OR56A3: variants seen among roughly 807,000 people sequenced by gnomAD.
The protein encoded by OR56A3 is olfactory receptor family 56 subfamily A member 3, also known as olfactory receptor 56A3.
A neutral mutation model predicts 17.5 loss-of-function variants in OR56A3; 23 were observed. That is an observed-to-expected ratio of 1.32 (90% CI 0.95 to 1.87). The LOEUF is 1.87. Among genes scored for constraint, OR56A3 ranks in the 40% most tolerant of loss-of-function variants. The probability of loss-of-function intolerance (pLI) is 0.00; values close to 1 mark genes in which losing one functional copy is unlikely to be tolerated. For synonymous variants in OR56A3, 175 were observed against 150.6 expected (o/e 1.16, Z -1.19); for missense variants, 366 against 380.1 (o/e 0.96, Z 0.31).
At chr11:5,951,465 A>G (rs1008383975), downstream of OR56A3, 4 of 152,084 alleles carry the variant, frequency 2.6e-5, no homozygotes, top group African/African-American at 4.8e-5. Flanking sequence ...TATTATAAAT[A>G]TATATAAATA....
chr11:5,973,151 C>T, the OR56A3 span, among the ~76,000 whole-genome samples: 3 of 152,116 alleles, frequency 2.0e-5, no homozygotes, highest in African/African-American at 4.8e-5. Context: ...TATGTAATCT[C>T]GGTCATTAAT....
chr11:5,951,434 AAT>A (rs1203917070), downstream of OR56A3: 2 of 152,074 alleles, frequency 1.3e-5, no homozygotes, highest in Non-Finnish European at 2.9e-5. Context: ...TGAAAAGTTT[AAT>A]AGTGAGATTG....
Position 5,950,834 on chromosome 11 carries a change from G to A in OR56A3, c.*2540G>A, listed in dbSNP as rs1847903318. On this transcript the variant is annotated 3_prime_UTR_variant, in exon 3 of 3. Transcript: ENST00000641160. ...TTCCAAGCATTCAATAGCCACGTGA[G>A]GCTAGTGACTATGGTATTAATCAGT... 2 of 152,158 alleles carry A rather than the reference G, an allele frequency of 1.3e-5. No individual in the cohort carries two copies. The highest frequency in any genetic ancestry group is 6.5e-5 in the Admixed American group (1 of 15,286). 9.4% of individuals were successfully genotyped at this position (152,158 alleles called of 1,614,324 possible). A position where few individuals can be genotyped will look rare whatever the true frequency, so the allele number is the denominator to read the frequency against.
the OR56A3 span, chr11:5,986,414 G>C: frequency 2.5e-6 from 4 of 1,613,712 alleles, no homozygotes; most frequent in South Asian, 2.2e-5. Flanking sequence ...GGGATAAGGA[G>C]TAGTAATCCC....
At chr11:5,986,752 T>C in the OR56A3 span, 60 of 1,613,834 alleles carry the variant, frequency 3.7e-5, no homozygotes, top group Non-Finnish European at 4.9e-5. Context: ...AATGGTAACA[T>C]TGCCCACTAA....
chr11:5,963,131 C>T, the OR56A3 span, among the ~76,000 whole-genome samples: 46 of 151,930 alleles, frequency 3.0e-4, no homozygotes, highest in Non-Finnish European at 6.2e-4. Context: ...TTTTAAAAAA[C>T]CTCCATTTTG....
chr11:6,002,029 G>T, the OR56A3 span: 1 of 1,524,164 alleles, frequency 6.6e-7, no homozygotes, highest in Non-Finnish European at 8.8e-7. Context: ...AACTCTAAAG[G>T]TGGATCTAAT....
At chr11:5,972,562 G>A in the OR56A3 span, among the ~76,000 whole-genome samples, 2 of 152,164 alleles carry the variant, frequency 1.3e-5, no homozygotes, top group Non-Finnish European at 2.9e-5. Context: ...AGGGTTTTAT[G>A]ATCTACGGTC....
the OR56A3 span, chr11:6,021,087 G>A: frequency 6.6e-6 from 1 of 152,044 alleles, no homozygotes; most frequent in South Asian, 2.1e-4. Context: ...TGGAGAAAGG[G>A]AGAAGACAAT....
chr11:6,002,029 G>A, the OR56A3 span: 1 of 1,524,166 alleles, frequency 6.6e-7, no homozygotes, highest in Non-Finnish European at 8.8e-7. Flanking sequence ...AACTCTAAAG[G>A]TGGATCTAAT....
the OR56A3 span, among the ~76,000 whole-genome samples, chr11:5,988,313 G>GTT: frequency 1.7e-4 from 26 of 152,002 alleles, no homozygotes; most frequent in Admixed American, 1.4e-3. Context: ...TTAATGGTTT[G>GTT]TTTTTTTAAA....
At chr11:5,956,882 C>T in the OR56A3 span, among the ~76,000 whole-genome samples, 31 of 152,250 alleles carry the variant, frequency 2.0e-4, no homozygotes, top group Middle Eastern at 3.4e-3. Context: ...AGAGGCCTGG[C>T]GCGGTGTCTC....
At chr11:5,978,372 C>T in the OR56A3 span, among the ~76,000 whole-genome samples, 1 of 152,078 alleles carries the variant, frequency 6.6e-6, no homozygotes, top group African/African-American at 2.4e-5. Flanking sequence ...TTTATGTTGT[C>T]TCTAATTTCT....
chr11:5,985,229 A>G, the OR56A3 span, among the ~76,000 whole-genome samples: 1 of 152,368 alleles, frequency 6.6e-6, no homozygotes, highest in East Asian at 1.9e-4. Flanking sequence ...TAAAACAAAC[A>G]TATACGCAGT....
chr11:5,993,937 G>A, the OR56A3 span: 1 of 457,396 alleles, frequency 2.2e-6, no homozygotes, highest in Non-Finnish European at 4.3e-6. Context: ...CTCTGTGGCG[G>A]GTGGTAGTCT....
At chr11:5,959,747 T>A in the OR56A3 span, among the ~76,000 whole-genome samples, 1 of 152,194 alleles carries the variant, frequency 6.6e-6, no homozygotes, top group Non-Finnish European at 1.5e-5. Context: ...ATTGCCCAGA[T>A]CAATGCTGTG....
chr11:5,978,821 T>G, the OR56A3 span, among the ~76,000 whole-genome samples: 1 of 152,204 alleles, frequency 6.6e-6, no homozygotes, highest in Non-Finnish European at 1.5e-5. Flanking sequence ...CTTCCAGCTT[T>G]TGCTCATTCA....
chr11:6,016,542 G>T, the OR56A3 span, among the ~76,000 whole-genome samples: 1 of 151,582 alleles, frequency 6.6e-6, no homozygotes, highest in Non-Finnish European at 1.5e-5. Context: ...TAAAAAAAAT[G>T]AAAAAAAGAG....
chr11:6,018,514 A>C, the OR56A3 span, among the ~76,000 whole-genome samples: 1 of 152,122 alleles, frequency 6.6e-6, no homozygotes, highest in Admixed American at 6.5e-5. Context: ...ATGAAAACAC[A>C]ATATACCAAA....
Sources: allele counts gnomAD v4.1 joint callset (sites outside exome capture counted in the v4.1 genomes callset), GRCh38; gene constraint gnomAD v4.1.1; transcripts MANE v1.5; gene names NCBI Gene and HGNC (gene_info 2026-07-23, HGNC 2026-07-21).